The following POU2F3 variants were observed in gnomAD, a reference collection of about 807,000 sequenced individuals.
POU2F3 encodes POU domain, class 2, transcription factor 3.
A neutral mutation model predicts 59.2 loss-of-function variants in POU2F3; 23 were observed. That is an observed-to-expected ratio of 0.39 (90% confidence interval 0.28 to 0.55). POU2F3 has a LOEUF of 0.55. Among genes scored for constraint, POU2F3 ranks in the 20% least tolerant of loss-of-function variants. The probability of loss-of-function intolerance (pLI) is 0.66; values close to 1 mark genes in which losing one functional copy is unlikely to be tolerated. For missense variants in POU2F3, 473 were observed against 544.5 expected, an observed-to-expected ratio of 0.87 and a Z score of 1.31; for synonymous variants, 190 against 214.6, an observed-to-expected ratio of 0.89 and a Z score of 1.00.
At chr11:120,262,407 C>T (rs2135174187) in intron 2 of POU2F3, among the ~76,000 whole-genome samples, 1 of 152,352 alleles carries the variant, frequency 6.6e-6, no homozygotes, top group Admixed American at 6.5e-5. Context: ...AAGCACTCAT[C>T]ACCCCTTCTC....
chr11:120,314,448 G>C (rs916704384), intron 10 of POU2F3, among the ~76,000 whole-genome samples: 1 of 152,226 alleles, frequency 6.6e-6, no homozygotes, highest in East Asian at 1.9e-4. Flanking sequence ...CAGAAAGGGA[G>C]AGAACTAGCA....
rs965819377 is a variant in POU2F3 at position 120,300,682 on chromosome 11, G to A, written c.361+956G>A. 2.6e-5 allele frequency among the ~76,000 whole-genome samples: 4 copies of A among 152,028 alleles called. No individual in the cohort carries two copies. In the South Asian group the frequency reaches 6.2e-4, roughly 24 times the overall value. On this transcript the variant is annotated intron_variant, in intron 5 of 12. Coordinates refer to ENST00000543440, the MANE Select transcript of POU2F3 (RefSeq NM_014352.4). ...AGGAGGTTGAGGCAAGAAAATCACCGGAACCTGGGAGGCAGAGGTTGCAGT... is the reference window on the plus strand; with the variant it reads ...AGGAGGTTGAGGCAAGAAAATCACCAGAACCTGGGAGGCAGAGGTTGCAGT...
At chr11:120,295,506 A>T (rs952355000) in intron 3 of POU2F3, among the ~76,000 whole-genome samples, 3 of 152,276 alleles carry the variant, frequency 2.0e-5, no homozygotes, top group Non-Finnish European at 4.4e-5. Context: ...GGTGGGGACC[A>T]CAAAGACTTG....
chr11:120,236,806 C>G (rs140435594), upstream of POU2F3: 12 of 1,229,738 alleles, frequency 9.8e-6, no homozygotes, highest in East Asian at 1.3e-4. Context: ...ACCATTCCCC[C>G]TCAACCCTAT....
chr11:120,271,282 G>A (rs1940057643), intron 3 of POU2F3, among the ~76,000 whole-genome samples: 1 of 152,220 alleles, frequency 6.6e-6, no homozygotes, highest in Non-Finnish European at 1.5e-5. Flanking sequence ...ACCAGGGGAG[G>A]GAAACTGTAG....
intron 3 of POU2F3, among the ~76,000 whole-genome samples, chr11:120,296,434 A>C (rs1007540462): frequency 2.3e-4 from 35 of 152,320 alleles, no homozygotes; most frequent in African/African-American, 7.7e-4. Context: ...TCAGGGGTAC[A>C]TGTCCAGGTT....
intron 11 of POU2F3, 96 bp downstream of exon 11, chr11:120,315,523 A>G (rs1941762150): frequency 2.6e-6 from 3 of 1,153,534 alleles, no homozygotes; most frequent in Non-Finnish European, 3.8e-6. Context: ...AGGCTTCCCT[A>G]AATGCATTTC....
chr11:120,275,414 G>A (rs931999104), intron 3 of POU2F3, among the ~76,000 whole-genome samples: 2 of 152,064 alleles, frequency 1.3e-5, no homozygotes, highest in Non-Finnish European at 2.9e-5. Context: ...TGCTCTTTGG[G>A]CCACCAGCTA....
intron 2 of POU2F3, among the ~76,000 whole-genome samples, chr11:120,257,813 A>G (rs951072906): frequency 1.3e-5 from 2 of 152,192 alleles, no homozygotes; most frequent in African/African-American, 2.4e-5. Context: ...TGCAAAACGA[A>G]GGAACAACTG....
chr11:120,244,611 T>TG (rs571944014), intron 1 of POU2F3, among the ~76,000 whole-genome samples: 9 of 152,086 alleles, frequency 5.9e-5, no homozygotes, highest in Admixed American at 4.6e-4. Context: ...AAACCACCAG[T>TG]GGGGGAGAAC....
chr11:120,287,011 G>A (rs541441989), intron 3 of POU2F3, among the ~76,000 whole-genome samples: 12 of 152,242 alleles, frequency 7.9e-5, no homozygotes, highest in African/African-American at 2.9e-4. Flanking sequence ...GTGACCCATC[G>A]TTAATCAACC....
At chr11:120,248,061 G>A (rs1938942915) in intron 2 of POU2F3, among the ~76,000 whole-genome samples, 1 of 152,216 alleles carries the variant, frequency 6.6e-6, no homozygotes, top group South Asian at 2.1e-4. Flanking sequence ...ATCCTGGTGG[G>A]GGTTAGGAAG....
At chr11:120,248,083 A>G (rs1352957418) in intron 2 of POU2F3, among the ~76,000 whole-genome samples, 3 of 152,230 alleles carry the variant, frequency 2.0e-5, no homozygotes, top group Non-Finnish European at 4.4e-5. Flanking sequence ...TTAGTGTGTT[A>G]TGGTCAATAT....
chr11:120,271,690 C>T (rs1012891644), intron 3 of POU2F3, among the ~76,000 whole-genome samples: 7 of 152,224 alleles, frequency 4.6e-5, no homozygotes, highest in African/African-American at 1.7e-4. Flanking sequence ...ATGAGGGCAG[C>T]CCCTCTGACC....
chr11:120,314,474 C>T (rs929700104), intron 10 of POU2F3, among the ~76,000 whole-genome samples: 1 of 152,254 alleles, frequency 6.6e-6, no homozygotes, highest in African/African-American at 2.4e-5. Flanking sequence ...CAAGCTGACA[C>T]TCTTTGCCAG....
At chr11:120,274,777 G>A (rs1178791497) in intron 3 of POU2F3, among the ~76,000 whole-genome samples, 1 of 152,170 alleles carries the variant, frequency 6.6e-6, no homozygotes, top group Non-Finnish European at 1.5e-5. Flanking sequence ...GTGCAGAGTG[G>A]GAAGAGGACC....
chr11:120,267,771 C>A (rs1939893804), intron 2 of POU2F3, among the ~76,000 whole-genome samples: 1 of 152,194 alleles, frequency 6.6e-6, no homozygotes, highest in Non-Finnish European at 1.5e-5. Context: ...CACTGTCCAG[C>A]TCCCAAGGAA....
intron 11 of POU2F3, among the ~76,000 whole-genome samples, chr11:120,316,718 G>A (rs1349731780): frequency 6.6e-6 from 1 of 152,192 alleles, no homozygotes; most frequent in East Asian, 1.9e-4. Flanking sequence ...GAGCCACCAT[G>A]CCCAGTTCAG....
At position 120,240,227 on chromosome 11, in the gene POU2F3, C is replaced by G. The variant is rs1243354243; in HGVS notation, c.-117C>G. 4.0e-6 allele frequency: 5 copies of G among 1,246,594 alleles called. No homozygotes were observed. In the African/African-American group the frequency reaches 6.2e-5, roughly 16 times the overall value. The allele number at this position is 1,246,594 out of a possible 1,614,324, so 77.2% of individuals were successfully genotyped here. On this transcript the variant is annotated 5_prime_UTR_variant, in exon 1 of 13. Coordinates refer to ENST00000543440, the MANE Select transcript of POU2F3 (RefSeq NM_014352.4). Reference sequence around the variant, plus strand: ...GGCGGCGACGGCTCCGGCAGCGGCTCCCGCGGCGGCGGCGGCCGGGAACTG... The same window carrying G: ...GGCGGCGACGGCTCCGGCAGCGGCTGCCGCGGCGGCGGCGGCCGGGAACTG...
Sources: gnomAD v4.1 joint callset for allele counts (sites outside exome capture counted in the v4.1 genomes callset) on GRCh38, gnomAD v4.1.1 for gene constraint, MANE v1.5 for transcripts, NCBI Gene and HGNC (gene_info 2026-07-23, HGNC 2026-07-21) for gene names.